Variants in UBXN11 observed in about 807,000 individuals in gnomAD.
UBXN11 encodes the protein UBX domain-containing protein 11.
UBXN11 carries 47 observed loss-of-function variants against 62.8 expected under a neutral mutation model. The observed-to-expected ratio is 0.75, with a 90% CI of 0.59 to 0.95. The LOEUF is 0.95. Among genes scored for constraint, UBXN11 ranks in the 40% least tolerant of loss-of-function variants. UBXN11 has a pLI of 0.00. For synonymous variants in UBXN11, 294 were observed against 267.0 expected, an observed-to-expected ratio of 1.10 and a Z score of -0.99; for missense variants, 638 against 661.7, an observed-to-expected ratio of 0.96 and a Z score of 0.39.
chr1:26,296,096 G>A (rs866325003), intron 7 of UBXN11, among the ~76,000 whole-genome samples: 6 of 152,352 alleles, frequency 3.9e-5, no homozygotes, highest in South Asian at 2.1e-4. Flanking sequence ...TGCGTGGAGA[G>A]GGAGAGAGGC....
At chr1:26,304,748 A>G (rs1341061537) in intron 1 of UBXN11, among the ~76,000 whole-genome samples, 2 of 151,998 alleles carry the variant, frequency 1.3e-5, no homozygotes, top group African/African-American at 2.4e-5. Context: ...GCAAGACTCC[A>G]TCTCAAAAAA....
chr1:26,297,093 C>G, intron 6 of UBXN11, 98 bp from the exon 7 acceptor site: 1 of 1,378,430 alleles, frequency 7.3e-7, no homozygotes, highest in Middle Eastern at 1.8e-4. Context: ...TTCTGGGGAT[C>G]CCCCAAGAAC....
At chr1:26,306,163 T>C (rs1256742037) in intron 1 of UBXN11, 1 of 152,296 alleles carries the variant, frequency 6.6e-6, no homozygotes. Context: ...GGACTGTGAC[T>C]ACCCCTCAGG....
intron 1 of UBXN11, among the ~76,000 whole-genome samples, chr1:26,313,451 T>G (rs2073762831): frequency 6.6e-6 from 1 of 152,176 alleles, no homozygotes; most frequent in Non-Finnish European, 1.5e-5. Flanking sequence ...ATTACCCCCT[T>G]GATTTCCTGA....
chr1:26,317,209 G>C (rs1166978517), intron 1 of UBXN11, among the ~76,000 whole-genome samples: 2 of 151,252 alleles, frequency 1.3e-5, no homozygotes, highest in Non-Finnish European at 2.9e-5. Flanking sequence ...CCAGTGCACA[G>C]AGCAAAACTC....
upstream of UBXN11, chr1:26,306,837 G>GGGTGGGT (rs1553165102): frequency 1.6e-5 from 1 of 63,372 alleles, no homozygotes; most frequent in Non-Finnish European, 3.5e-5. Context: ...GGTGGGGGGG[G>GGGTGGGT]GGGGTGGTTC....
chr1:26,297,348 T>C (rs1462149313), intron 6 of UBXN11, 79 bp downstream of exon 6: 12 of 1,431,724 alleles, frequency 8.4e-6, no homozygotes, highest in South Asian at 1.4e-5. Flanking sequence ...CCAGAAGCCA[T>C]TGTGAAGCTT....
exon 1 of UBXN11, chr1:26,318,219 C>A: frequency 3.0e-6 from 2 of 673,192 alleles, no homozygotes; most frequent in Non-Finnish European, 2.6e-6. Flanking sequence ...GGGGACACAG[C>A]GGGCCTGGCC....
upstream of UBXN11, chr1:26,306,831 G>GGGGGGGGGT (rs2073680518): frequency 9.4e-6 from 1 of 105,944 alleles, no homozygotes; most frequent in Non-Finnish European, 2.0e-5. Context: ...GGGCGGGGTG[G>GGGGGGGGGT]GGGGGGGGGG....
At position 26,282,463 on chromosome 1, in the gene UBXN11, G is replaced by A. The variant is rs1244152635; in HGVS notation, c.1399C>T (p.Leu467=). 4 of 1,611,274 alleles carry A rather than the reference G, an allele frequency of 2.5e-6. No individual in the cohort carries two copies. Among genetic ancestry groups the A allele is most frequent in the East Asian group, 4.5e-5 (2 of 44,850 alleles). Reference sequence around the variant, plus strand: ...GGGGCTCGGCGTGCCCGCAGCAGCAGTGCTGCTTTGGGCACAAGGCCTGCA... The same window carrying A: ...GGGGCTCGGCGTGCCCGCAGCAGCAATGCTGCTTTGGGCACAAGGCCTGCA... The part of the protein sequence containing the change: ...QAAGLVPKAA[L]LLRARRAPKS... Residue 467 remains leucine (L), a synonymous_variant, in exon 15 of 15, where the codon CTG becomes TTG. Coordinates refer to ENST00000374222, the MANE Select transcript of UBXN11 (RefSeq NM_001389556.1).
chr1:26,294,531 G>A (rs574293279), intron 7 of UBXN11, among the ~76,000 whole-genome samples, 200 bp from the exon 8 acceptor site: 43 of 152,276 alleles, frequency 2.8e-4, no homozygotes, highest in African/African-American at 9.6e-4. Context: ...AGCCTCAGAC[G>A]ACTCCTCTAA....
intron 9 of UBXN11, 134 bp downstream of exon 9, chr1:26,285,689 C>G: frequency 7.3e-7 from 1 of 1,377,474 alleles, no homozygotes; most frequent in East Asian, 2.5e-5. Flanking sequence ...GGAGAGGGGC[C>G]TCTGCAAGTC....
upstream of UBXN11, among the ~76,000 whole-genome samples, chr1:26,311,242 C>A (rs1335312141): frequency 2.0e-5 from 3 of 151,380 alleles, no homozygotes; most frequent in South Asian, 6.2e-4. Context: ...CAGGTTCAAG[C>A]GATTCTCTGC....
chr1:26,286,626 A>C (rs1557681036), intron 8 of UBXN11, among the ~76,000 whole-genome samples: 1 of 152,220 alleles, frequency 6.6e-6, no homozygotes. Flanking sequence ...CACCCTGTCC[A>C]TGTTTGCTAC....
chr1:26,282,813 C>T (rs781275230), intron 13 of UBXN11, 24 bp from the exon 14 acceptor site: 10 of 1,613,994 alleles, frequency 6.2e-6, no homozygotes, highest in Non-Finnish European at 7.6e-6. Context: ...AGGCCATCAG[C>T]ACGCGGTGAC....
intron 7 of UBXN11, 119 bp downstream of exon 7, chr1:26,296,800 G>T: frequency 1.9e-6 from 2 of 1,045,508 alleles, no homozygotes; most frequent in Non-Finnish European, 2.8e-6. Context: ...AGGGTCCCTG[G>T]GTGGGATGTG....
intron 8 of UBXN11, among the ~76,000 whole-genome samples, chr1:26,292,954 C>A (rs1445515676): frequency 6.6e-6 from 1 of 152,124 alleles, no homozygotes; most frequent in Non-Finnish European, 1.5e-5. Flanking sequence ...GGGATCCAGC[C>A]AGAGCCCAGG....
At chr1:26,298,845 G>T (rs1372385971) in intron 4 of UBXN11, among the ~76,000 whole-genome samples, 3 of 151,634 alleles carry the variant, frequency 2.0e-5, no homozygotes, top group Admixed American at 1.3e-4. Context: ...GAAGAAGCAG[G>T]CCTTTTCCTT....
In UBXN11 at chr1:26,285,805, C is replaced by G. The variant is rs781223956; in HGVS notation, c.774+18G>C. On this transcript the variant is annotated intron_variant, in intron 9 of 14. Transcript: ENST00000374222. ...AGCAGGGGCACTAGAGCACCACCCC[C>G]CCCAACACCGCTCCTACCTGTGTGG... 2 of 1,581,228 alleles carry G rather than the reference C, an allele frequency of 1.3e-6. No individual in the cohort carries two copies. The highest frequency in any genetic ancestry group is 2.3e-5 in the South Asian group (2 of 88,666).
Sources: allele counts gnomAD v4.1 joint callset (sites outside exome capture counted in the v4.1 genomes callset), GRCh38; gene constraint gnomAD v4.1.1; transcripts MANE v1.5; gene names NCBI Gene and HGNC (gene_info 2026-07-23, HGNC 2026-07-21).